Variants in RAB7A observed in about 807,000 individuals in gnomAD.
The protein encoded by RAB7A is RAB7A, member RAS oncogene family, also known as ras-related protein Rab-7a.
A neutral mutation model predicts 24.5 loss-of-function variants in RAB7A; 2 were observed. That is an observed-to-expected ratio of 0.08 (90% CI 0.03 to 0.26). The LOEUF (loss-of-function observed/expected upper bound fraction) is 0.26. Among genes scored for constraint, RAB7A ranks in the 10% least tolerant of loss-of-function variants. RAB7A has a pLI of 1.00. For synonymous variants in RAB7A, 100 were observed against 95.9 expected, an observed-to-expected ratio of 1.04 and a Z score of -0.25; for missense variants, 118 against 255.7, an observed-to-expected ratio of 0.46 and a Z score of 3.67.
intron 1 of RAB7A, among the ~76,000 whole-genome samples, chr3:128,768,875 C>G (rs2070857403): frequency 6.7e-6 from 1 of 149,456 alleles, no homozygotes; most frequent in Admixed American, 6.7e-5. Context: ...GTGTGCAGTT[C>G]AAATATTCAC....
intron 1 of RAB7A, among the ~76,000 whole-genome samples, chr3:128,792,819 T>A (rs1403538124): frequency 4.1e-5 from 1 of 24,330 alleles, no homozygotes; most frequent in Non-Finnish European, 1.0e-4. Flanking sequence ...GAGCTAATTT[T>A]TATTTATTTA....
chr3:128,755,874 C>A (rs1458278996), intron 1 of RAB7A, among the ~76,000 whole-genome samples: 1 of 152,024 alleles, frequency 6.6e-6, no homozygotes, highest in African/African-American at 2.4e-5. Flanking sequence ...CCCATTAACT[C>A]GTCATTTAGC....
chr3:128,791,552 TG>T (rs1933452867), intron 1 of RAB7A, among the ~76,000 whole-genome samples: 1 of 152,262 alleles, frequency 6.6e-6, no homozygotes, highest in South Asian at 2.1e-4. Flanking sequence ...TTTCTAGCTC[TG>T]TTTCCCTGGG....
intron 3 of RAB7A, chr3:128,798,913 G>A (rs569316362): frequency 3.4e-6 from 1 of 294,150 alleles, no homozygotes; most frequent in Non-Finnish European, 6.6e-6. Flanking sequence ...AGCTGAGGTT[G>A]TCAGTACAAC....
At chr3:128,742,986 C>T (rs540964661) in intron 1 of RAB7A, among the ~76,000 whole-genome samples, 13 of 152,278 alleles carry the variant, frequency 8.5e-5, no homozygotes, top group African/African-American at 2.6e-4. Context: ...GGGCGGTGCC[C>T]GTCGGGGAGG....
intron 1 of RAB7A, among the ~76,000 whole-genome samples, chr3:128,746,337 A>G (rs561083337): frequency 1.3e-5 from 2 of 152,132 alleles, no homozygotes; most frequent in African/African-American, 2.4e-5. Context: ...CAGTGGCTCA[A>G]TCATAGCTCA....
intron 1 of RAB7A, among the ~76,000 whole-genome samples, chr3:128,782,394 G>A (rs897785210): frequency 2.6e-5 from 4 of 152,140 alleles, no homozygotes; most frequent in African/African-American, 9.7e-5. Context: ...GGGTGGAGAT[G>A]CTTGCTGTCT....
At chr3:128,746,593 A>T (rs537588219) in intron 1 of RAB7A, among the ~76,000 whole-genome samples, 2 of 151,784 alleles carry the variant, frequency 1.3e-5, no homozygotes, top group East Asian at 3.9e-4. Flanking sequence ...CAGTGGCGCA[A>T]TCTTGGCTCA....
rs1037101018 is a variant in RAB7A, at chr3:128,756,590, A to G, written c.-9+30231A>G. Among the ~76,000 whole-genome samples the G allele has an allele frequency of 2.6e-5, 4 of 152,210 alleles. No homozygotes were observed. In the South Asian group the frequency reaches 6.2e-4, roughly 24 times the overall value. ...TTAGGATCACAGTACTCCCCAAAGT[A>G]AGAAATGCAATGCAGTTCTTACTAA... is the stretch of plus-strand genomic sequence containing the variant. On this transcript the variant is annotated intron_variant, in intron 1 of 5. Transcript: ENST00000265062.
intron 1 of RAB7A, among the ~76,000 whole-genome samples, chr3:128,743,235 C>G (rs1456727851): frequency 6.6e-6 from 1 of 152,218 alleles, no homozygotes; most frequent in Non-Finnish European, 1.5e-5. Context: ...CCTCCAAGCC[C>G]ACACCCACCC....
chr3:128,758,883 T>C (rs2070754371), intron 1 of RAB7A, among the ~76,000 whole-genome samples: 1 of 152,166 alleles, frequency 6.6e-6, no homozygotes, highest in Non-Finnish European at 1.5e-5. Flanking sequence ...ATGAGTTCAT[T>C]TGAAATGTTT....
chr3:128,733,206 C>G (rs1395982669), intron 1 of RAB7A, among the ~76,000 whole-genome samples: 1 of 152,164 alleles, frequency 6.6e-6, no homozygotes, highest in African/African-American at 2.4e-5. Context: ...AAGTCATTAT[C>G]ATCGATGCCC....
intron 1 of RAB7A, among the ~76,000 whole-genome samples, chr3:128,735,594 T>C (rs1391536323): frequency 6.6e-6 from 1 of 152,214 alleles, no homozygotes; most frequent in African/African-American, 2.4e-5. Flanking sequence ...GCTTAAACTT[T>C]CAGAGAGTTG....
At chr3:128,757,474 G>A (rs2070739624) in intron 1 of RAB7A, among the ~76,000 whole-genome samples, 1 of 151,674 alleles carries the variant, frequency 6.6e-6, no homozygotes, top group African/African-American at 2.4e-5. Flanking sequence ...CAAGATGAAT[G>A]TTTTATATTT....
At chr3:128,749,482 G>T (rs2070654191) in intron 1 of RAB7A, 1 of 152,198 alleles carries the variant, frequency 6.6e-6, no homozygotes, top group South Asian at 2.1e-4. Flanking sequence ...TGAGGACCCT[G>T]TAATTGTAAA....
At chr3:128,756,839 GCTAT>G (rs2070733097) in intron 1 of RAB7A, among the ~76,000 whole-genome samples, 1 of 150,486 alleles carries the variant, frequency 6.6e-6, no homozygotes, top group African/African-American at 2.5e-5. Context: ...CTTAGTATTC[GCTAT>G]CTTTTTTTTT....
At chr3:128,795,670 T>G (rs1933550981) in intron 2 of RAB7A, among the ~76,000 whole-genome samples, 1 of 151,294 alleles carries the variant, frequency 6.6e-6, no homozygotes, top group Non-Finnish European at 1.5e-5. Context: ...TTTCATGGAA[T>G]CCCTTTTCTC....
intron 1 of RAB7A, among the ~76,000 whole-genome samples, chr3:128,760,754 T>C (rs570707101): frequency 1.1e-3 from 175 of 152,358 alleles, no homozygotes; most frequent in Non-Finnish European, 2.1e-3. Flanking sequence ...AACTGAGTTA[T>C]AAACATATGG....
chr3:128,759,357 C>G (rs2070758203), intron 1 of RAB7A, among the ~76,000 whole-genome samples: 1 of 152,124 alleles, frequency 6.6e-6, no homozygotes, highest in African/African-American at 2.4e-5. Context: ...CCCGATTATC[C>G]CAGTTGCTGT....
Sources: gnomAD v4.1 joint callset for allele counts (sites outside exome capture counted in the v4.1 genomes callset) on GRCh38, gnomAD v4.1.1 for gene constraint, MANE v1.5 for transcripts, NCBI Gene and HGNC (gene_info 2026-07-23, HGNC 2026-07-21) for gene names.